The following PIPOX variants were observed in gnomAD, a reference collection of about 807,000 sequenced individuals.
The protein encoded by PIPOX is pipecolic acid and sarcosine oxidase, also known as peroxisomal sarcosine oxidase.
Under a neutral mutation model 47.9 loss-of-function variants are expected in PIPOX, and 45 were observed. The observed-to-expected ratio is 0.94, with a 90% CI of 0.74 to 1.20. The LOEUF (loss-of-function observed/expected upper bound fraction) is 1.20, where lower values mean the gene tolerates loss of function less well. Ranked by LOEUF, PIPOX falls within the 50% of genes most tolerant of loss-of-function variation. The pLI, the probability that PIPOX is intolerant of heterozygous loss-of-function variation, is 0.00. For missense variants in PIPOX, 458 were observed against 498.4 expected (o/e 0.92, Z 0.77); for synonymous variants, 165 against 191.3 (o/e 0.86, Z 1.13).
intron 2 of PIPOX, among the ~76,000 whole-genome samples, chr17:29,048,307 T>C (rs2065792917): frequency 6.6e-6 from 1 of 152,168 alleles, no homozygotes; most frequent in African/African-American, 2.4e-5. Context: ...ATACTACTGA[T>C]AGATATGAGC....
At chr17:29,052,694 G>A (rs1168999158) in intron 2 of PIPOX, among the ~76,000 whole-genome samples, 2 of 152,198 alleles carry the variant, frequency 1.3e-5, no homozygotes, top group Non-Finnish European at 2.9e-5. Context: ...CAAATAGCTG[G>A]GATCACAGGC....
intron 2 of PIPOX, among the ~76,000 whole-genome samples, chr17:29,051,092 G>A (rs1244209838): frequency 2.0e-5 from 3 of 152,034 alleles, no homozygotes; most frequent in Non-Finnish European, 2.9e-5. Context: ...CTGCACTCCA[G>A]CCTGGATGAC....
chr17:29,053,678 C>A, intron 4 of PIPOX, 83 bp downstream of exon 4: 2 of 1,085,640 alleles, frequency 1.8e-6, no homozygotes, highest in Admixed American at 2.6e-5. Context: ...CCTGGATCTG[C>A]CTCTTGCTAG....
chr17:29,056,489 A>G lies in PIPOX; in HGVS notation c.*184A>G, dbSNP rs1300604249. The G allele has an allele frequency of 1.5e-6, 1 of 660,738 alleles. No individual in the cohort carries two copies. Among genetic ancestry groups the G allele is most frequent in the Non-Finnish European group, 2.5e-6 (1 of 393,024 alleles). The allele number at this position is 660,738 out of a possible 1,614,324, so 40.9% of individuals were successfully genotyped here. On this transcript the variant is annotated 3_prime_UTR_variant, in exon 8 of 8. Transcript: ENST00000323372. The stretch of plus-strand genomic sequence containing the variant: ...GCCCGCTCCCTTTTTCTTCTGCCTC[A>G]CTTGAATCCCCCGTAAACACCAGAC...
At chr17:29,049,734 C>T (rs1257705396) in intron 2 of PIPOX, among the ~76,000 whole-genome samples, 1 of 152,196 alleles carries the variant, frequency 6.6e-6, no homozygotes, top group Non-Finnish European at 1.5e-5. Flanking sequence ...GGCATTTCTC[C>T]AGCAGCGCAC....
In PIPOX at chr17:29,053,022, T is replaced by C. The variant is rs777536547; in HGVS notation, c.366T>C (p.Ser122=). Residue 122 remains serine, a synonymous_variant, in exon 3 of 8, where the codon TCT becomes TCC. Transcript: ENST00000323372. The part of the protein sequence containing the change: ...RQRVEHQCLS[S]EELKQRFPNI... ...GGGTAGAACACCAGTGTCTTTCATC[T>C]GAGGAACTGAAGCAACGTTTCCCAA... 5.0e-6 allele frequency: 8 copies of C among 1,614,230 alleles called. No homozygotes were observed. The Admixed American group carries it at 1.3e-4, about 27-fold the overall frequency.
At position 29,053,405 on chromosome 17, in the gene PIPOX, C is replaced by T; in HGVS notation, c.478-8C>T. Reference sequence around the variant, plus strand: ...CTAATTCACCTTTCCCTGCTCCTGCCCTTTCAGGATGCAATTCGACAGCTA... The same window carrying T: ...CTAATTCACCTTTCCCTGCTCCTGCTCTTTCAGGATGCAATTCGACAGCTA... On this transcript the variant is annotated splice_region_variant and splice_polypyrimidine_tract_variant and intron_variant, in intron 3 of 7. Coordinates refer to ENST00000323372, the MANE Select transcript of PIPOX (RefSeq NM_016518.3). 1 of 1,606,116 alleles carries T rather than the reference C, an allele frequency of 6.2e-7. No individual in the cohort carries two copies. Among genetic ancestry groups the T allele is most frequent in the Non-Finnish European group, 8.5e-7 (1 of 1,174,344 alleles).
chr17:29,045,746 C>T (rs1292602771), intron 2 of PIPOX, among the ~76,000 whole-genome samples: 1 of 152,028 alleles, frequency 6.6e-6, no homozygotes, highest in Non-Finnish European at 1.5e-5. Context: ...CCTAACTTTT[C>T]CTGAGGGGTC....
intron 7 of PIPOX, 113 bp from the exon 8 acceptor site, chr17:29,056,062 G>A (rs1402730103): frequency 2.9e-5 from 42 of 1,433,578 alleles, no homozygotes; most frequent in Non-Finnish European, 4.1e-5. Flanking sequence ...GCCACTTCTG[G>A]CTTTGGGATG....
At chr17:29,048,813 AGAT>A (rs1474836348) in intron 2 of PIPOX, among the ~76,000 whole-genome samples, 2 of 152,248 alleles carry the variant, frequency 1.3e-5, no homozygotes, top group African/African-American at 4.8e-5. Flanking sequence ...ACTGAACGGA[AGAT>A]GAAATGCCTA....
rs756064506 is a variant in PIPOX at position 29,056,215 on chromosome 17, G to A, written c.1083G>A (p.Leu361=). The A allele has an allele frequency of 4.9e-5, 79 of 1,614,020 alleles. No homozygotes were observed. The highest frequency in any genetic ancestry group is 2.0e-4 in the Admixed American group (12 of 60,002). The change falls in exon 8 of 8, where the codon CTG becomes CTA. Residue 361 remains leucine, a synonymous_variant. Transcript: ENST00000323372. ...FKLAPVVGKI[L]YELSMKLTPS... is the part of the protein sequence containing the mutation. ...TGGCCCCTGTGGTGGGGAAGATCCT[G>A]TATGAATTAAGCATGAAATTAACAC...
chr17:29,053,309 G>A, intron 3 of PIPOX, 104 bp from the exon 4 acceptor site: 1 of 1,290,922 alleles, frequency 7.7e-7, no homozygotes, highest in South Asian at 1.3e-5. Context: ...TACAGGACAG[G>A]TCTAGATTCT....
rs2065779946 is a variant in PIPOX, at chr17:29,045,016, TG to T, written c.263+12del. The T allele has an allele frequency of 6.3e-7, 1 of 1,584,458 alleles. No individual in the cohort carries two copies. Among genetic ancestry groups the T allele is most frequent in the African/African-American group, 1.4e-5 (1 of 73,910 alleles). ...GGAACCCAATTGCACAGGTGGGCTGTGGGAGGAATTCCTTGAATCGTGGGGC... is the reference window on the plus strand; with the variant it reads ...GGAACCCAATTGCACAGGTGGGCTGTGGAGGAATTCCTTGAATCGTGGGGC... On this transcript the variant is annotated intron_variant, in intron 2 of 7. Coordinates refer to ENST00000323372, the MANE Select transcript of PIPOX (RefSeq NM_016518.3).
Position 29,055,278 on chromosome 17 carries a change from G to T in PIPOX, c.966+57G>T. The T allele has an allele frequency of 1.9e-6, 3 of 1,602,064 alleles. No homozygotes were observed. In the South Asian group the frequency reaches 3.3e-5, roughly 18 times the overall value. Reference sequence around the variant, plus strand: ...CTCACCACTCTACAGAAGGGAAGAAGGAGACAGACCTTGCACTGGCCAGGC... The same window carrying T: ...CTCACCACTCTACAGAAGGGAAGAATGAGACAGACCTTGCACTGGCCAGGC... On this transcript the variant is annotated intron_variant, in intron 6 of 7. Transcript: ENST00000323372.
At chr17:29,055,732 C>A in intron 6 of PIPOX, 81 bp from the exon 7 acceptor site, 1 of 1,168,388 alleles carries the variant, frequency 8.6e-7, no homozygotes, top group Non-Finnish European at 1.3e-6. Flanking sequence ...AAATCCAGCC[C>A]ATCCCCTTCC....
rs765666287 is a variant in PIPOX, at chr17:29,053,449, G to A, written c.514G>A (p.Gly172Arg). The part of the protein sequence containing the change: ...IRQLGGIVRD[G>R]EKVVEINPGL... ...ACAGCTAGGAGGCATAGTGCGTGAC[G>A]GAGAGAAGGTGGTGGAGATAAACCC... is the stretch of plus-strand genomic sequence containing the variant. The change falls in exon 4 of 8, where the codon GGA becomes AGA. Residue 172 changes from glycine (G) to arginine (R), a missense_variant. Transcript: ENST00000323372. 2.9e-5 allele frequency: 47 copies of A among 1,613,982 alleles called. No homozygotes were observed. The highest frequency in any genetic ancestry group is 2.8e-5 in the Non-Finnish European group (33 of 1,179,970).
chr17:29,044,583 C>CCTACCT (rs1156512127), intron 1 of PIPOX, among the ~76,000 whole-genome samples: 3 of 152,176 alleles, frequency 2.0e-5, no homozygotes, highest in African/African-American at 7.2e-5. Context: ...AAACAGTCCT[C>CCTACCT]CTACCTCAGC....
Position 29,053,313 on chromosome 17 carries a change from A to C in PIPOX, c.478-100A>C. 3 of 1,315,488 alleles carry C rather than the reference A, an allele frequency of 2.3e-6. No homozygotes were observed. In the Admixed American group the frequency reaches 6.0e-5, roughly 26 times the overall value. The allele number at this position is 1,315,488 out of a possible 1,614,324, so 81.5% of individuals were successfully genotyped here. A position where few individuals can be genotyped will look rare whatever the true frequency, so the allele number is the denominator to read the frequency against. Reference sequence around the variant, plus strand: ...GGCCTTGTCAATACAGGACAGGTCTAGATTCTGCACTCTTTTCTGCCCCAG... The same window carrying C: ...GGCCTTGTCAATACAGGACAGGTCTCGATTCTGCACTCTTTTCTGCCCCAG... On this transcript the variant is annotated intron_variant, in intron 3 of 7. Coordinates refer to ENST00000323372, the MANE Select transcript of PIPOX (RefSeq NM_016518.3).
In PIPOX at chr17:29,056,210, A is replaced by AT. The variant is rs760377987; in HGVS notation, c.1079dup (p.Leu361ProfsTer3). ...CAAGCTGGCCCCTGTGGTGGGGAAG[A>AT]TCCTGTATGAATTAAGCATGAAATT... is the stretch of plus-strand genomic sequence containing the variant. On this transcript the variant is annotated frameshift_variant, in exon 8 of 8. Coordinates refer to ENST00000323372, the MANE Select transcript of PIPOX (RefSeq NM_016518.3). LOFTEE classifies it high-confidence loss of function. 21 of 1,614,098 alleles carry AT rather than the reference A, an allele frequency of 1.3e-5. No homozygotes were observed. The highest frequency in any genetic ancestry group is 1.8e-5 in the Non-Finnish European group (21 of 1,180,008).
Sources: allele counts gnomAD v4.1 joint callset (sites outside exome capture counted in the v4.1 genomes callset), GRCh38; gene constraint gnomAD v4.1.1; transcripts MANE v1.5; gene names NCBI Gene and HGNC (gene_info 2026-07-23, HGNC 2026-07-21).